BMPR2: variants seen among roughly 807,000 people sequenced by gnomAD.
BMPR2 encodes bone morphogenetic protein receptor type-2.
In BMPR2, 29 loss-of-function variants were observed where a neutral mutation model predicts 100.8. The ratio of observed to expected loss-of-function variants is 0.29; its 90% CI spans 0.21 to 0.39. The LOEUF (loss-of-function observed/expected upper bound fraction) is 0.39, where lower values mean the gene tolerates loss of function less well. Ranked by LOEUF, BMPR2 falls within the 10% of genes least tolerant of loss-of-function variation. The probability of loss-of-function intolerance (pLI) is 1.00; values close to 1 mark genes in which losing one functional copy is unlikely to be tolerated. For synonymous variants in BMPR2, 382 were observed against 442.3 expected, an observed-to-expected ratio of 0.86 and a Z score of 1.71; for missense variants, 1,011 against 1,274.5, an observed-to-expected ratio of 0.79 and a Z score of 3.15.
intron 1 of BMPR2, among the ~76,000 whole-genome samples, chr2:202,445,018 C>T (rs980307676): frequency 6.7e-6 from 1 of 150,244 alleles, no homozygotes; most frequent in Admixed American, 6.6e-5. Flanking sequence ...GAACTCCCGA[C>T]ATCAGGTGAT....
Position 202,535,064 on chromosome 2 carries a change from T to G in BMPR2, c.1276+2332T>G, listed in dbSNP as rs1489138487. Among the ~76,000 whole-genome samples, 80 of 69,804 alleles carry G rather than the reference T, an allele frequency of 1.1e-3. 9 individuals are homozygous for G. Among genetic ancestry groups the G allele is most frequent in the African/African-American group, 3.6e-3 (63 of 17,408 alleles). The allele number at this position is 69,804 out of a possible 152,430, so 45.8% of individuals were successfully genotyped here. ...CCCCCCCACCTCCCTCCCGGACAGG[T>G]CGGCTGGCCTGGCTGGGGGCTGACC... On this transcript the variant is annotated intron_variant, in intron 9 of 12. Coordinates refer to ENST00000374580, the MANE Select transcript of BMPR2 (RefSeq NM_001204.7).
intron 7 of BMPR2, among the ~76,000 whole-genome samples, chr2:202,527,604 T>G (rs993441547): frequency 5.4e-5 from 8 of 148,084 alleles, no homozygotes; most frequent in African/African-American, 1.8e-4. Flanking sequence ...GCTAACAAGG[T>G]GAAACCCCGT....
At chr2:202,381,272 C>T (rs1041389014) in intron 1 of BMPR2, among the ~76,000 whole-genome samples, 1 of 152,164 alleles carries the variant, frequency 6.6e-6, no homozygotes. Flanking sequence ...CACGCCTGGG[C>T]TGGATTTCTT....
At chr2:202,396,795 A>T (rs78476472) in intron 1 of BMPR2, among the ~76,000 whole-genome samples, 25 of 40,386 alleles carry the variant, frequency 6.2e-4, no homozygotes, top group Admixed American at 2.3e-3. Flanking sequence ...GCAAGAAACT[A>T]TTTTTTTTTT....
rs1688045593 is a variant in BMPR2, at chr2:202,532,449, A to T, written c.1129-136A>T. 2 of 1,061,850 alleles carry T rather than the reference A, an allele frequency of 1.9e-6. No individual in the cohort carries two copies. The highest frequency in any genetic ancestry group is 4.6e-5 in the Admixed American group (2 of 43,662). The allele number at this position is 1,061,850 out of a possible 1,614,324, so 65.8% of individuals were successfully genotyped here. A position where few individuals can be genotyped will look rare whatever the true frequency, so the allele number is the denominator to read the frequency against. ...GCATTTTATAGGTAAAAAATAAGTT[A>T]TAGAAAGGTTTAATGACATGGTTAG... On this transcript the variant is annotated intron_variant, in intron 8 of 12. Coordinates refer to ENST00000374580, the MANE Select transcript of BMPR2 (RefSeq NM_001204.7). The surrounding 1 kb of genome is among the most constrained non-coding windows in gnomAD (Gnocchi z 4.1).
chr2:202,557,464 A>AACACACAC lies in BMPR2; in HGVS notation c.2866+977_2866+984dup, dbSNP rs138065331. 9.8e-3 allele frequency among the ~76,000 whole-genome samples: 1,234 copies of AACACACAC among 125,434 alleles called. 14 individuals carry two copies. The highest frequency in any genetic ancestry group is 0.012 in the African/African-American group (389 of 31,574). 82.3% of individuals were successfully genotyped at this position (125,434 alleles called of 152,430 possible). A position where few individuals can be genotyped will look rare whatever the true frequency, so the allele number is the denominator to read the frequency against. On this transcript the variant is annotated intron_variant, in intron 12 of 12. Coordinates refer to ENST00000374580, the MANE Select transcript of BMPR2 (RefSeq NM_001204.7). ...GGTGACAGAATGAAACTCTGTCTCA[A>AACACACAC]ACACACACACACACACACACACACA...
intron 1 of BMPR2, among the ~76,000 whole-genome samples, chr2:202,384,588 T>TTTTCTTTCTTTTCTTTC (rs1559020887): frequency 7.7e-6 from 1 of 129,776 alleles, no homozygotes; most frequent in South Asian, 2.2e-4. Context: ...CTTTTCTTTC[T>TTTTCTTTCTTTTCTTTC]TTTCTTTCTT....
rs1340707846 is a variant in BMPR2, at chr2:202,376,427, T to C, written c.-1048T>C. Among the ~76,000 whole-genome samples the C allele has an allele frequency of 7.0e-6, 1 of 142,272 alleles. No homozygotes were observed. The highest frequency in any genetic ancestry group is 1.5e-5 in the Non-Finnish European group (1 of 65,080). The allele number at this position is 142,272 out of a possible 152,430, so 93.3% of individuals were successfully genotyped here. A position where few individuals can be genotyped will look rare whatever the true frequency, so the allele number is the denominator to read the frequency against. On this transcript the variant is annotated 5_prime_UTR_variant, in exon 1 of 13. Coordinates refer to ENST00000374580, the MANE Select transcript of BMPR2 (RefSeq NM_001204.7). ...CTCCCTGCCCACCCCCTTCCCCGGC[T>C]ACCTTCATCCGCCCTCCCGCCGCCC...
intron 10 of BMPR2, among the ~76,000 whole-genome samples, chr2:202,547,781 CAAAAA>C (rs373601864): frequency 1.8e-5 from 1 of 56,904 alleles, no homozygotes; most frequent in African/African-American, 7.6e-5. Context: ...AGATCCATCA[CAAAAA>C]AAAAAAAAAA....
In BMPR2 at chr2:202,547,510, C is replaced by T. The variant is rs961481644; in HGVS notation, c.1413+5063C>T. Among the ~76,000 whole-genome samples the T allele has an allele frequency of 9.5e-4, 145 of 152,278 alleles. 1 individual carries two copies. Among genetic ancestry groups the T allele is most frequent in the African/African-American group, 3.3e-3 (136 of 41,558 alleles). On this transcript the variant is annotated intron_variant, in intron 10 of 12. Coordinates refer to ENST00000374580, the MANE Select transcript of BMPR2 (RefSeq NM_001204.7). Reference sequence around the variant, plus strand: ...TAAAAGGTGGCAACTTAGCCAGGCACGGTGGCTCACGCCTGTAATCCCAGC... The same window carrying T: ...TAAAAGGTGGCAACTTAGCCAGGCATGGTGGCTCACGCCTGTAATCCCAGC...
intron 1 of BMPR2, among the ~76,000 whole-genome samples, chr2:202,415,708 T>C (rs1691113351): frequency 6.6e-6 from 1 of 152,204 alleles, no homozygotes; most frequent in Admixed American, 6.5e-5. Context: ...CACATCTGCT[T>C]ACAGCATGAC....
intron 3 of BMPR2, among the ~76,000 whole-genome samples, chr2:202,482,251 T>C (rs1022932075): frequency 3.3e-5 from 5 of 152,260 alleles, no homozygotes; most frequent in African/African-American, 1.2e-4. Context: ...CTTCTACCTC[T>C]TGGCTATTAT....
chr2:202,467,836 A>G lies in BMPR2; in HGVS notation c.418+147A>G, dbSNP rs1011075988. The G allele has an allele frequency of 9.8e-6, 8 of 816,266 alleles. No individual in the cohort carries two copies. In the African/African-American group the frequency reaches 1.4e-4, roughly 14 times the overall value. The allele number at this position is 816,266 out of a possible 1,614,324, so 50.6% of individuals were successfully genotyped here. A position where few individuals can be genotyped will look rare whatever the true frequency, so the allele number is the denominator to read the frequency against. On this transcript the variant is annotated intron_variant, in intron 3 of 12. Coordinates refer to ENST00000374580, the MANE Select transcript of BMPR2 (RefSeq NM_001204.7). The stretch of plus-strand genomic sequence containing the variant: ...CACTTTGGGAGGCCGAGGTGGATGG[A>G]TCACCTGAGGTCAGAGTTTGAGACC...
At chr2:202,537,053 C>T (rs577196255) in intron 9 of BMPR2, among the ~76,000 whole-genome samples, 3 of 152,136 alleles carry the variant, frequency 2.0e-5, no homozygotes, top group South Asian at 4.1e-4. Flanking sequence ...CATGCCACCA[C>T]GCCCGGCTAG....
At chr2:202,445,123 A>G (rs1014241900) in intron 1 of BMPR2, among the ~76,000 whole-genome samples, 4 of 150,546 alleles carry the variant, frequency 2.7e-5, no homozygotes, top group African/African-American at 1.0e-4. Flanking sequence ...TATGTGACAT[A>G]CTGGCAATGT....
At chr2:202,451,879 A>G (rs1173865202) in intron 1 of BMPR2, among the ~76,000 whole-genome samples, 1 of 151,886 alleles carries the variant, frequency 6.6e-6, no homozygotes, top group Non-Finnish European at 1.5e-5. Flanking sequence ...CCTCCTGAGT[A>G]GCTGGGATTA....
intron 7 of BMPR2, among the ~76,000 whole-genome samples, chr2:202,526,442 AAATAATTTCTCCTG>A (rs1287564939): frequency 6.6e-6 from 1 of 152,216 alleles, no homozygotes; most frequent in Non-Finnish European, 1.5e-5. Context: ...CTTCATGTAT[AAATAATTTCTCCTG>A]AATAATTTAT....
chr2:202,554,094 A>G (rs893371146), intron 11 of BMPR2, among the ~76,000 whole-genome samples: 2 of 152,104 alleles, frequency 1.3e-5, no homozygotes, highest in African/African-American at 4.8e-5. Context: ...TCAAATATAA[A>G]CTCTTATACC....
chr2:202,453,948 G>A (rs1483515323), intron 1 of BMPR2, among the ~76,000 whole-genome samples: 1 of 151,972 alleles, frequency 6.6e-6, no homozygotes, highest in East Asian at 1.9e-4. Context: ...TACCTACTAT[G>A]TACCCACAAA....
Sources: gnomAD v4.1 joint callset for allele counts (sites outside exome capture counted in the v4.1 genomes callset) on GRCh38, gnomAD v4.1.1 for gene constraint, Gnocchi (gnomAD v3.1) non-coding constraint, MANE v1.5 for transcripts, NCBI Gene and HGNC (gene_info 2026-07-23, HGNC 2026-07-21) for gene names.